CDK4: variants seen among roughly 807,000 people sequenced by gnomAD.
CDK4 encodes the protein cyclin dependent kinase 4, also known as cyclin-dependent kinase 4.
A neutral mutation model predicts 36.7 loss-of-function variants in CDK4; 13 were observed. The ratio of observed to expected loss-of-function variants is 0.35; its 90% CI spans 0.23 to 0.56. CDK4 has a LOEUF of 0.56. CDK4 is among the 20% of genes least tolerant of loss of function. The probability of loss-of-function intolerance (pLI) is 0.85; values close to 1 mark genes in which losing one functional copy is unlikely to be tolerated. For missense variants in CDK4, 285 were observed against 387.3 expected (o/e 0.74, Z 2.22); for synonymous variants, 158 against 146.4 (o/e 1.08, Z -0.57).
chr12:57,751,786 G>A lies in CDK4; in HGVS notation c.-19-50C>T. ...AAAAGTCGCTTACAGAGTTAGGATGGTATGAGCCTGCAGCAACAAAGGGAC... is the reference window on the plus strand; with the variant it reads ...AAAAGTCGCTTACAGAGTTAGGATGATATGAGCCTGCAGCAACAAAGGGAC... On this transcript the variant is annotated intron_variant, in intron 1 of 7. Transcript: ENST00000257904. This position sits in a 1 kb window ranked among gnomAD's most constrained non-coding sequence, Gnocchi z 4.5. 7.3e-7 allele frequency: 1 copy of A among 1,370,922 alleles called. No homozygotes were observed. Among genetic ancestry groups the A allele is most frequent in the Non-Finnish European group, 1.0e-6 (1 of 969,244 alleles). 84.9% of individuals were successfully genotyped at this position (1,370,922 alleles called of 1,614,324 possible). A position where few individuals can be genotyped will look rare whatever the true frequency, so the allele number is the denominator to read the frequency against.
At position 57,748,990 on chromosome 12, in the gene CDK4, G is replaced by A. The variant is rs1452093929; in HGVS notation, c.819+192C>T. 8.2e-6 allele frequency: 6 copies of A among 732,752 alleles called. No individual in the cohort carries two copies. In the East Asian group the frequency reaches 1.4e-4, roughly 17 times the overall value. The allele number at this position is 732,752 out of a possible 1,614,324, so 45.4% of individuals were successfully genotyped here. Reference sequence around the variant, plus strand: ...CAAAGTGCTGGGATTACAGGCGTGAGCCACCGTGCCCAGCCAGGATGGGTT... The same window carrying A: ...CAAAGTGCTGGGATTACAGGCGTGAACCACCGTGCCCAGCCAGGATGGGTT... On this transcript the variant is annotated intron_variant, in intron 7 of 7. Transcript: ENST00000257904.
chr12:57,751,177 C>T lies in CDK4; in HGVS notation c.354+30G>A, dbSNP rs2140387084. 1 of 1,614,186 alleles carries T rather than the reference C, an allele frequency of 6.2e-7. No individual in the cohort carries two copies. The highest frequency in any genetic ancestry group is 8.5e-7 in the Non-Finnish European group (1 of 1,180,032). On this transcript the variant is annotated intron_variant, in intron 3 of 7. Transcript: ENST00000257904. This position sits in a 1 kb window ranked among gnomAD's most constrained non-coding sequence, Gnocchi z 4.5. The stretch of plus-strand genomic sequence containing the variant: ...AGGTTCTACTACAAAGGTCCCAATC[C>T]ACCTCTCAATGCCTACCAACCCCAC...
chr12:57,750,708 G>C lies in CDK4; in HGVS notation c.580C>G (p.Pro194Ala), dbSNP rs1264069202. 1 of 1,614,090 alleles carries C rather than the reference G, an allele frequency of 6.2e-7. No individual in the cohort carries two copies. The highest frequency in any genetic ancestry group is 2.2e-5 in the East Asian group (1 of 44,890). ...CAGCCAACACTCCACATGTCCACAG[G>C]TGTTGCATATGTGGACTGCAGAAGA... ...EVLLQSTYAT[P>A]VDMWSVGCIF... The change falls in exon 5 of 8, where the codon CCT becomes GCT. Residue 194 changes from proline (P) to alanine (A), a missense_variant. Coordinates refer to ENST00000257904, the MANE Select transcript of CDK4 (RefSeq NM_000075.4).
rs2140388874 is a variant in CDK4, at chr12:57,751,733, G to A, written c.-16C>T. The A allele has an allele frequency of 6.2e-7, 1 of 1,612,570 alleles. No individual in the cohort carries two copies. The highest frequency in any genetic ancestry group is 8.5e-7 in the Non-Finnish European group (1 of 1,178,860). ...AGGTAGCCATTCTCAGATCAAGGGA[G>A]ACCCTACAATCACAGACTCCTATCA... On this transcript the variant is annotated 5_prime_UTR_variant, in exon 2 of 8. Coordinates refer to ENST00000257904, the MANE Select transcript of CDK4 (RefSeq NM_000075.4). This position sits in a 1 kb window ranked among gnomAD's most constrained non-coding sequence, Gnocchi z 4.5.
Position 57,751,035 on chromosome 12 carries a change from A to AG in CDK4, c.409_410insC (p.Val137AlafsTer22), listed in dbSNP as rs747738052. The AG allele has an allele frequency of 6.2e-7, 1 of 1,614,182 alleles. No homozygotes were observed. Among genetic ancestry groups the AG allele is most frequent in the Non-Finnish European group, 8.5e-7 (1 of 1,180,024 alleles). ...GTTCTCTGGCTTCAGATCTCGGTGA[A>AG]CGATGCAATTGGCATGAAGGAAATC... On this transcript the variant is annotated frameshift_variant, in exon 4 of 8. Transcript: ENST00000257904. LOFTEE classifies it high-confidence loss of function. The surrounding 1 kb of genome is among the most constrained non-coding windows in gnomAD (Gnocchi z 4.5).
At position 57,748,257 on chromosome 12, in the gene CDK4, T is replaced by A; in HGVS notation, c.*268A>T. The A allele has an allele frequency of 2.5e-6, 1 of 393,394 alleles. No individual in the cohort carries two copies. Among genetic ancestry groups the A allele is most frequent in the Non-Finnish European group, 4.7e-6 (1 of 213,070 alleles). The allele number at this position is 393,394 out of a possible 1,614,324, so 24.4% of individuals were successfully genotyped here. ...AAAAGACCATTATTTCTTTGTTTTGTTTTTCCTGTATAAAAAAGGACCCCA... is the reference window on the plus strand; with the variant it reads ...AAAAGACCATTATTTCTTTGTTTTGATTTTCCTGTATAAAAAAGGACCCCA... On this transcript the variant is annotated 3_prime_UTR_variant, in exon 8 of 8. Coordinates refer to ENST00000257904, the MANE Select transcript of CDK4 (RefSeq NM_000075.4).
In CDK4 at chr12:57,751,642, G is replaced by A. The variant is rs1955238972; in HGVS notation, c.76C>T (p.Pro26Ser). Reference sequence around the variant, plus strand: ...AGGGCCACAAAGTGGCCACTGTGGGGATCACGGGCCTTGTACACTGTCCCA... The same window carrying A: ...AGGGCCACAAAGTGGCCACTGTGGGAATCACGGGCCTTGTACACTGTCCCA... The part of the protein sequence containing the change: ...AYGTVYKARD[P>S]HSGHFVALKS... The change falls in exon 2 of 8, where the codon CCC becomes TCC. Residue 26 changes from proline (P) to serine (S), a missense_variant. Transcript: ENST00000257904. The surrounding 1 kb of genome is among the most constrained non-coding windows in gnomAD (Gnocchi z 4.5). 1 of 1,614,184 alleles carries A rather than the reference G, an allele frequency of 6.2e-7. No individual in the cohort carries two copies. The highest frequency in any genetic ancestry group is 8.5e-7 in the Non-Finnish European group (1 of 1,180,026).
intron 6 of CDK4, 55 bp from the exon 7 acceptor site, chr12:57,749,372 G>T (rs2140383436): frequency 6.2e-7 from 1 of 1,613,600 alleles, no homozygotes; most frequent in Non-Finnish European, 8.5e-7. Context: ...CCATCCCCAT[G>T]GGCAGAGCCA....
At position 57,751,381 on chromosome 12, in the gene CDK4, C is replaced by G. The variant is rs1390688711; in HGVS notation, c.219-39G>C. 1.2e-6 allele frequency: 2 copies of G among 1,613,838 alleles called. No homozygotes were observed. Among genetic ancestry groups the G allele is most frequent in the Non-Finnish European group, 1.7e-6 (2 of 1,179,968 alleles). ...ATGCTCACTTTTCAATCCCCTTTAA[C>G]CCAACATGGCCTCTCATTATTTCCT... On this transcript the variant is annotated intron_variant, in intron 2 of 7. Transcript: ENST00000257904. This position sits in a 1 kb window ranked among gnomAD's most constrained non-coding sequence, Gnocchi z 4.5.
Position 57,750,680 on chromosome 12 carries a change from A to G in CDK4, c.608T>C (p.Ile203Thr), listed in dbSNP as rs1955226086. 1 of 1,613,682 alleles carries G rather than the reference A, an allele frequency of 6.2e-7. No homozygotes were observed. The highest frequency in any genetic ancestry group is 1.1e-5 in the South Asian group (1 of 91,080). The change falls in exon 5 of 8, where the codon ATC becomes ACC. Residue 203 changes from isoleucine to threonine, a missense_variant. Physicochemically the swap from Ile to Thr is moderately conservative, Grantham distance 89 (BLOSUM62 -1). Transcript: ENST00000257904. The stretch of plus-strand genomic sequence containing the variant: ...CTTTCGACGAAACATCTCTGCAAAG[A>G]TACAGCCAACACTCCACATGTCCAC... Reference protein sequence around the residue: ...TPVDMWSVGCIFAEMFRRKPL... With the variant: ...TPVDMWSVGCTFAEMFRRKPL...
Position 57,751,028 on chromosome 12 carries a change from T to C in CDK4, c.417A>G (p.Arg139=), listed in dbSNP as rs1955230419. The C allele has an allele frequency of 6.2e-7, 1 of 1,614,088 alleles. No individual in the cohort carries two copies. The highest frequency in any genetic ancestry group is 1.3e-5 in the African/African-American group (1 of 74,924). Residue 139 remains arginine (R), a synonymous_variant, in exon 4 of 8, where the codon CGA becomes CGG. Coordinates refer to ENST00000257904, the MANE Select transcript of CDK4 (RefSeq NM_000075.4). The surrounding 1 kb of genome is among the most constrained non-coding windows in gnomAD (Gnocchi z 4.5). The part of the protein sequence containing the change: ...DFLHANCIVH[R]DLKPENILVT... ...CCAGAATGTTCTCTGGCTTCAGATC[T>C]CGGTGAACGATGCAATTGGCATGAA...
intron 1 of CDK4, 166 bp downstream of exon 1, chr12:57,752,009 G>A (rs991119452): frequency 2.6e-5 from 13 of 493,150 alleles, no homozygotes; most frequent in Admixed American, 2.0e-4. Flanking sequence ...GCCTTGCATC[G>A]AAGATCCTAC....
rs551468259 is a variant in CDK4 at position 57,748,873 on chromosome 12, T to C, written c.820-256A>G. Reference sequence around the variant, plus strand: ...GGCGTGTGCCACCACCCCCGGCTTATTTTTGTACTTTTAGTAGAGACGAGG... The same window carrying C: ...GGCGTGTGCCACCACCCCCGGCTTACTTTTGTACTTTTAGTAGAGACGAGG... On this transcript the variant is annotated intron_variant, in intron 7 of 7. Coordinates refer to ENST00000257904, the MANE Select transcript of CDK4 (RefSeq NM_000075.4). The C allele has an allele frequency of 2.0e-4, 109 of 542,436 alleles. No individual in the cohort carries two copies. The East Asian group carries it at 3.3e-3, about 17-fold the overall frequency. The allele number at this position is 542,436 out of a possible 1,614,324, so 33.6% of individuals were successfully genotyped here.
At position 57,751,563 on chromosome 12, in the gene CDK4, C is replaced by T. The variant is rs760719270; in HGVS notation, c.155G>A (p.Ser52Asn). 4.6e-5 allele frequency: 74 copies of T among 1,614,100 alleles called. No homozygotes were observed. The highest frequency in any genetic ancestry group is 5.9e-5 in the Non-Finnish European group (70 of 1,180,040). Residue 52 changes from serine to asparagine, a missense_variant, in exon 2 of 8, where the codon AGC becomes AAC. Physicochemically the swap from Ser to Asn is conservative, Grantham distance 46. Transcript: ENST00000257904. This position sits in a 1 kb window ranked among gnomAD's most constrained non-coding sequence, Gnocchi z 4.5. ...CAGTAAAGCCACCTCACGAACTGTGCTGATGGGAAGGCCTCCTCCACCTCC... is the reference window on the plus strand; with the variant it reads ...CAGTAAAGCCACCTCACGAACTGTGTTGATGGGAAGGCCTCCTCCACCTCC... ...GGGGGGGLPI[S>N]TVREVALLRR...
At chr12:57,749,055 G>A in intron 7 of CDK4, 127 bp downstream of exon 7, 1 of 1,213,210 alleles carries the variant, frequency 8.2e-7, no homozygotes. Context: ...ATTTGCAGCT[G>A]TAATAAAAAC....
At position 57,751,574 on chromosome 12, in the gene CDK4, GCCTCCTCCACCT is replaced by G. The variant is rs749094206; in HGVS notation, c.132_143del (p.Gly45_Gly48del). On this transcript the variant is annotated inframe_deletion, in exon 2 of 8. Coordinates refer to ENST00000257904, the MANE Select transcript of CDK4 (RefSeq NM_000075.4). This position sits in a 1 kb window ranked among gnomAD's most constrained non-coding sequence, Gnocchi z 4.5. The stretch of plus-strand genomic sequence containing the variant: ...CCTCACGAACTGTGCTGATGGGAAG[GCCTCCTCCACCT>G]CCTCCTCCATTGGGGACTCTCACAC... 9.3e-6 allele frequency: 15 copies of G among 1,614,008 alleles called. No individual in the cohort carries two copies. The South Asian group carries it at 1.4e-4, about 15-fold the overall frequency.
chr12:57,749,772 G>A (rs937997826), intron 5 of CDK4: 2 of 518,574 alleles, frequency 3.9e-6, no homozygotes, highest in Non-Finnish European at 6.9e-6. Context: ...TCTGATGTGG[G>A]TGGATCATGA....
rs1955191686 is a variant in CDK4, at chr12:57,748,732, G to A, written c.820-115C>T. ...TCTTTTTTTTTTTTTTTGAGACGGA[G>A]TCTCGCTCTATCACCCAGGCTGGAG... On this transcript the variant is annotated intron_variant, in intron 7 of 7. Transcript: ENST00000257904. 3 of 737,312 alleles carry A rather than the reference G, an allele frequency of 4.1e-6. No homozygotes were observed. In the South Asian group the frequency reaches 4.5e-5, roughly 11 times the overall value. The allele number at this position is 737,312 out of a possible 1,614,324, so 45.7% of individuals were successfully genotyped here. A position where few individuals can be genotyped will look rare whatever the true frequency, so the allele number is the denominator to read the frequency against.
chr12:57,748,645 C>T (rs945131804), intron 7 of CDK4, 28 bp from the exon 8 acceptor site: 1 of 1,518,994 alleles, frequency 6.6e-7, no homozygotes, highest in Admixed American at 1.7e-5. Context: ...GGTCAGAAAA[C>T]CATGAAGAAA....
Sources: gnomAD v4.1 joint callset for allele counts on GRCh38, gnomAD v4.1.1 for gene constraint, Gnocchi (gnomAD v3.1) non-coding constraint, MANE v1.5 for transcripts, NCBI Gene and HGNC (gene_info 2026-07-23, HGNC 2026-07-21) for gene names.